The following TAFA1 variants were observed in gnomAD, a reference collection of about 807,000 sequenced individuals.
TAFA1 encodes chemokine-like protein TAFA-1.
In TAFA1, 4 loss-of-function variants were observed where a neutral mutation model predicts 18.5. The ratio of observed to expected loss-of-function variants is 0.22; its 90% CI spans 0.11 to 0.49. The LOEUF is 0.49. Ranked by LOEUF, TAFA1 falls within the 20% of genes least tolerant of loss-of-function variation. The pLI, the probability that TAFA1 is intolerant of heterozygous loss-of-function variation, is 0.98. For synonymous variants in TAFA1, 56 were observed against 55.2 expected (o/e 1.01, Z -0.06); for missense variants, 147 against 169.0 (o/e 0.87, Z 0.72).
At chr3:68,287,907 T>TGAG (rs1649938157) in intron 2 of TAFA1, among the ~76,000 whole-genome samples, 1 of 51,996 alleles carries the variant, frequency 1.9e-5, no homozygotes, top group Non-Finnish European at 4.5e-5. Context: ...TTGTTTTTGT[T>TGAG]GGGGGGTGGG....
chr3:68,110,134 C>A (rs1170820942), intron 2 of TAFA1, among the ~76,000 whole-genome samples: 2 of 152,148 alleles, frequency 1.3e-5, no homozygotes, highest in African/African-American at 4.8e-5. Flanking sequence ...CCCCCAACTC[C>A]TCCCTCCAAC....
intron 2 of TAFA1, among the ~76,000 whole-genome samples, chr3:68,203,668 G>A (rs1204803460): frequency 2.0e-5 from 3 of 151,582 alleles, no homozygotes; most frequent in Non-Finnish European, 4.4e-5. Context: ...GAGTGAGCTG[G>A]AATTGGTATT....
chr3:68,241,040 C>A (rs191674886), intron 2 of TAFA1, among the ~76,000 whole-genome samples: 1 of 152,244 alleles, frequency 6.6e-6, no homozygotes, highest in Admixed American at 6.5e-5. Context: ...AAAAACACCA[C>A]TATAGATATA....
chr3:68,262,225 A>C (rs2067440030), intron 2 of TAFA1, among the ~76,000 whole-genome samples: 1 of 146,516 alleles, frequency 6.8e-6, no homozygotes, highest in Non-Finnish European at 1.5e-5. Context: ...ATGATTCACT[A>C]ACTAGTGATT....
the TAFA1 span, among the ~76,000 whole-genome samples, chr3:67,997,529 G>A: frequency 6.6e-5 from 10 of 152,208 alleles, no homozygotes; most frequent in African/African-American, 2.4e-4. Context: ...ATTTTCCTGT[G>A]TTTTTCTACT....
intron 2 of TAFA1, among the ~76,000 whole-genome samples, chr3:68,036,079 A>G (rs1261022423): frequency 2.0e-5 from 3 of 152,150 alleles, no homozygotes; most frequent in East Asian, 1.9e-4. Context: ...TGCTCCACAT[A>G]TTGGGATACT....
At chr3:68,142,065 C>A (rs921493170) in intron 2 of TAFA1, among the ~76,000 whole-genome samples, 1 of 152,252 alleles carries the variant, frequency 6.6e-6, no homozygotes, top group South Asian at 2.1e-4. Context: ...TGCCCTTTTA[C>A]CTCTAGCTTA....
chr3:68,056,100 A>G (rs1238114781), intron 2 of TAFA1, among the ~76,000 whole-genome samples: 4 of 152,146 alleles, frequency 2.6e-5, no homozygotes, highest in Non-Finnish European at 5.9e-5. Flanking sequence ...GAGAAATTGC[A>G]TAAGCTAGTG....
At chr3:68,045,802 C>A (rs532673186) in intron 2 of TAFA1, among the ~76,000 whole-genome samples, 3 of 152,074 alleles carry the variant, frequency 2.0e-5, no homozygotes, top group Non-Finnish European at 4.4e-5. Context: ...TCATTCATTT[C>A]GTTATTTTTC....
chr3:68,138,317 A>G (rs970647846), intron 2 of TAFA1, among the ~76,000 whole-genome samples: 1 of 152,204 alleles, frequency 6.6e-6, no homozygotes. Context: ...GTGCCTCACC[A>G]CGAGAAACAT....
chr3:68,311,280 T>C (rs1007307709), intron 2 of TAFA1, among the ~76,000 whole-genome samples: 2 of 152,082 alleles, frequency 1.3e-5, no homozygotes, highest in Non-Finnish European at 2.9e-5. Flanking sequence ...CCAAACCATA[T>C]CATTCTGCCC....
rs77500808 is a variant in TAFA1 at position 68,473,607 on chromosome 3, G to A, written c.259+56187G>A. On this transcript the variant is annotated intron_variant, in intron 3 of 4. Coordinates refer to ENST00000478136, the MANE Select transcript of TAFA1 (RefSeq NM_213609.4). ...GTTTGGTTTGCATCCTTCCCAACCA[G>A]AATTGGTCAAAGGTAGAATGATTAC... 3.0e-3 allele frequency among the ~76,000 whole-genome samples: 450 copies of A among 152,248 alleles called. 3 individuals are homozygous for A. The highest frequency in any genetic ancestry group is 0.01 in the African/African-American group (428 of 41,554).
At chr3:68,027,134 G>A (rs1559708067) in intron 2 of TAFA1, among the ~76,000 whole-genome samples, 1 of 152,072 alleles carries the variant, frequency 6.6e-6, no homozygotes, top group South Asian at 2.1e-4. Context: ...CCTCCCACCA[G>A]GCCCCACCTG....
At chr3:68,149,176 A>T (rs779975195) in intron 2 of TAFA1, among the ~76,000 whole-genome samples, 1 of 152,166 alleles carries the variant, frequency 6.6e-6, no homozygotes, top group Non-Finnish European at 1.5e-5. Context: ...GGAGATATTA[A>T]TAGTTAAATT....
chr3:68,311,306 T>TGTCATATG (rs57935782), intron 2 of TAFA1, among the ~76,000 whole-genome samples: 2 of 152,096 alleles, frequency 1.3e-5, no homozygotes, highest in East Asian at 3.9e-4. Context: ...CTCTCTCAAA[T>TGTCATATG]TTCATCAAAA....
chr3:68,440,395 AT>A (rs1243609255), intron 3 of TAFA1, among the ~76,000 whole-genome samples: 4 of 152,174 alleles, frequency 2.6e-5, no homozygotes, highest in African/African-American at 9.7e-5. Context: ...AAGTCAATAA[AT>A]TTTAGGGCAC....
intron 3 of TAFA1, among the ~76,000 whole-genome samples, chr3:68,518,860 G>A (rs1346843767): frequency 6.6e-6 from 1 of 152,196 alleles, no homozygotes; most frequent in East Asian, 1.9e-4. Context: ...AATGTCAGAT[G>A]AGTACAACAC....
upstream of TAFA1, among the ~76,000 whole-genome samples, chr3:67,999,643 A>G (rs143715978): frequency 2.3e-3 from 345 of 152,230 alleles, 1 homozygote; most frequent in African/African-American, 7.9e-3. Flanking sequence ...AATTCAGGAC[A>G]GTTTCCTTTT....
chr3:68,464,192 G>C (rs2071838685), intron 3 of TAFA1, among the ~76,000 whole-genome samples: 1 of 152,162 alleles, frequency 6.6e-6, no homozygotes, highest in South Asian at 2.1e-4. Context: ...CTATTTGCTG[G>C]AGCTTTGTAG....
Sources: gnomAD v4.1 joint callset for allele counts (sites outside exome capture counted in the v4.1 genomes callset) on GRCh38, gnomAD v4.1.1 for gene constraint, MANE v1.5 for transcripts, NCBI Gene and HGNC (gene_info 2026-07-23, HGNC 2026-07-21) for gene names.